The following BBS9 variants were observed in gnomAD, a reference collection of about 807,000 sequenced individuals.
The protein encoded by BBS9 is Bardet-Biedl syndrome 9, also known as protein PTHB1.
In BBS9, 89 loss-of-function variants were observed where a neutral mutation model predicts 117.7. The ratio of observed to expected loss-of-function variants is 0.76; its 90% CI spans 0.64 to 0.90. The LOEUF (loss-of-function observed/expected upper bound fraction) is 0.90, where lower values mean the gene tolerates loss of function less well. BBS9 is among the 40% of genes least tolerant of loss of function. The pLI, the probability that BBS9 is intolerant of heterozygous loss-of-function variation, is 0.00. For missense variants in BBS9, 982 were observed against 1,042.2 expected, an observed-to-expected ratio of 0.94 and a Z score of 0.80; for synonymous variants, 379 against 370.9, an observed-to-expected ratio of 1.02 and a Z score of -0.25.
At chr7:33,386,552 A>G (rs564199146) in intron 18 of BBS9, among the ~76,000 whole-genome samples, 2 of 151,786 alleles carry the variant, frequency 1.3e-5, no homozygotes, top group East Asian at 1.9e-4. Flanking sequence ...GTGCAGTGGC[A>G]CGATCTCGGC....
chr7:33,582,144 G>GT (rs1860062315), intron 21 of BBS9, among the ~76,000 whole-genome samples: 1 of 151,942 alleles, frequency 6.6e-6, no homozygotes. Context: ...TTGACCCTAA[G>GT]TCCTTGAGTT....
intron 19 of BBS9, among the ~76,000 whole-genome samples, chr7:33,499,550 C>T (rs1022599835): frequency 3.3e-5 from 5 of 152,140 alleles, no homozygotes; most frequent in Non-Finnish European, 7.4e-5. Flanking sequence ...GGGAGATTAG[C>T]GAAGCTGAAA....
intron 9 of BBS9, among the ~76,000 whole-genome samples, chr7:33,334,734 A>G (rs1379630171): frequency 6.6e-6 from 1 of 152,188 alleles, no homozygotes; most frequent in African/African-American, 2.4e-5. Context: ...AGGATTATCT[A>G]GTCTTACCTT....
intron 18 of BBS9, among the ~76,000 whole-genome samples, chr7:33,386,455 CATTTATTTATTTATTTATTTATTT>C (rs35669997): frequency 9.4e-5 from 13 of 138,350 alleles, no homozygotes; most frequent in South Asian, 7.1e-4. Flanking sequence ...AGCTTGCTTT[CATTTATTTATTTATTTATTTATTT>C]ATTTATTTAT....
In BBS9 at chr7:33,352,868, C is replaced by T. The variant is rs774639031; in HGVS notation, c.1547C>T (p.Pro516Leu). The change falls in exon 15 of 23, where the codon CCT becomes CTT. Residue 516 changes from proline to leucine, a missense_variant. Pro to Leu is a moderately conservative substitution (Grantham distance 98). Coordinates refer to ENST00000242067, the MANE Select transcript of BBS9 (RefSeq NM_198428.3). ...TGCCTGTGATGGACAGATCGAAATC[C>T]TGATGGTAAGTGTAAAGATAATTTA... The part of the protein sequence containing the change: ...VSYSRPTDRN[P>L]DGIPRVIQCK... 29 of 1,612,348 alleles carry T rather than the reference C, an allele frequency of 1.8e-5. No homozygotes were observed. The highest frequency in any genetic ancestry group is 2.4e-5 in the Non-Finnish European group (28 of 1,178,776).
intron 9 of BBS9, among the ~76,000 whole-genome samples, chr7:33,305,254 C>G (rs1003234873): frequency 1.3e-5 from 2 of 151,714 alleles, no homozygotes; most frequent in Admixed American, 1.3e-4. Flanking sequence ...AGGATAAATC[C>G]CACTTGGTCC....
intron 19 of BBS9, among the ~76,000 whole-genome samples, chr7:33,474,903 C>T (rs1325296076): frequency 6.6e-6 from 1 of 152,170 alleles, no homozygotes; most frequent in African/African-American, 2.4e-5. Flanking sequence ...TGAGATTGCG[C>T]CATTGCACTC....
At chr7:33,474,718 C>A (rs1841558723) in intron 19 of BBS9, among the ~76,000 whole-genome samples, 1 of 152,120 alleles carries the variant, frequency 6.6e-6, no homozygotes, top group Non-Finnish European at 1.5e-5. Context: ...GAGGCTGAGG[C>A]AGGTGGTTCA....
chr7:33,183,541 T>G (rs1283076096), intron 5 of BBS9, among the ~76,000 whole-genome samples: 1 of 152,192 alleles, frequency 6.6e-6, no homozygotes, highest in East Asian at 1.9e-4. Context: ...CTTTTAAATG[T>G]TACCAAAAGT....
At chr7:33,558,187 C>T (rs975698784) in intron 21 of BBS9, among the ~76,000 whole-genome samples, 1 of 152,136 alleles carries the variant, frequency 6.6e-6, no homozygotes, top group Non-Finnish European at 1.5e-5. Context: ...ACAAAATAGA[C>T]AAAGTCTCGT....
intron 19 of BBS9, among the ~76,000 whole-genome samples, chr7:33,449,249 C>T (rs974153330): frequency 6.6e-6 from 1 of 152,058 alleles, no homozygotes; most frequent in Non-Finnish European, 1.5e-5. Context: ...ACTGCAATGC[C>T]CTGTTTATTC....
intron 21 of BBS9, among the ~76,000 whole-genome samples, chr7:33,593,233 A>C (rs1338243209): frequency 6.6e-6 from 1 of 152,136 alleles, no homozygotes; most frequent in Non-Finnish European, 1.5e-5. Context: ...AGTGTTCCAG[A>C]CATTGATCAA....
chr7:33,556,078 T>C (rs1365642902), intron 21 of BBS9, among the ~76,000 whole-genome samples: 2 of 152,208 alleles, frequency 1.3e-5, no homozygotes, highest in Non-Finnish European at 2.9e-5. Context: ...GTAGTACGTA[T>C]TTGGATTACC....
chr7:33,195,980 T>C (rs1315798730), intron 5 of BBS9, among the ~76,000 whole-genome samples: 1 of 152,156 alleles, frequency 6.6e-6, no homozygotes, highest in Non-Finnish European at 1.5e-5. Context: ...GGACTATAAT[T>C]GTTAGTAAAG....
intron 16 of BBS9, among the ~76,000 whole-genome samples, chr7:33,360,520 A>T (rs958510327): frequency 3.2e-5 from 3 of 93,768 alleles, no homozygotes; most frequent in Non-Finnish European, 6.1e-5. Context: ...TAAGCAATAA[A>T]TACCTTTTTT....
chr7:33,233,204 G>A (rs534504857), intron 5 of BBS9, among the ~76,000 whole-genome samples: 1 of 152,104 alleles, frequency 6.6e-6, no homozygotes, highest in South Asian at 2.1e-4. Context: ...ATGCGAAAGT[G>A]TTAATTTATT....
chr7:33,321,808 A>G (rs1170092613), intron 9 of BBS9, among the ~76,000 whole-genome samples: 1 of 151,998 alleles, frequency 6.6e-6, no homozygotes, highest in Non-Finnish European at 1.5e-5. Context: ...ATCTTAGAGG[A>G]AAGGCTTTCG....
chr7:33,452,471 T>TC (rs1245393301), intron 19 of BBS9, among the ~76,000 whole-genome samples: 7 of 152,184 alleles, frequency 4.6e-5, no homozygotes, highest in Non-Finnish European at 8.8e-5. Flanking sequence ...CTGTATATCC[T>TC]CACTTGGAAC....
At chr7:33,427,628 G>A (rs1833837201) in intron 19 of BBS9, among the ~76,000 whole-genome samples, 1 of 152,106 alleles carries the variant, frequency 6.6e-6, no homozygotes, top group Non-Finnish European at 1.5e-5. Flanking sequence ...TACAGTTCTT[G>A]TACATTTAGG....
Sources: gnomAD v4.1 joint callset for allele counts (sites outside exome capture counted in the v4.1 genomes callset) on GRCh38, gnomAD v4.1.1 for gene constraint, MANE v1.5 for transcripts, NCBI Gene and HGNC (gene_info 2026-07-23, HGNC 2026-07-21) for gene names.